Variants in CNTNAP2 observed in about 807,000 individuals in gnomAD.
CNTNAP2 encodes the protein contactin associated protein 2, also known as contactin-associated protein-like 2.
A neutral mutation model predicts 155.2 loss-of-function variants in CNTNAP2; 98 were observed. That is an observed-to-expected ratio of 0.63 (90% CI 0.54 to 0.75). The LOEUF (loss-of-function observed/expected upper bound fraction) is 0.75, where lower values mean the gene tolerates loss of function less well. Among genes scored for constraint, CNTNAP2 ranks in the 30% least tolerant of loss-of-function variants. CNTNAP2 has a pLI of 0.00. For missense variants in CNTNAP2, 1,727 were observed against 1,688.1 expected, an observed-to-expected ratio of 1.02 and a Z score of -0.40; for synonymous variants, 651 against 631.2, an observed-to-expected ratio of 1.03 and a Z score of -0.47.
chr7:147,656,606 G>C (rs1171677508), intron 13 of CNTNAP2, among the ~76,000 whole-genome samples: 1 of 152,032 alleles, frequency 6.6e-6, no homozygotes, highest in African/African-American at 2.4e-5. Flanking sequence ...ATCTTCTATG[G>C]GCACAGTTAA....
rs112329627 is a variant in CNTNAP2 at position 148,364,010 on chromosome 7, C to T, written c.3476-19639C>T. Among the ~76,000 whole-genome samples the T allele has an allele frequency of 7.0e-4, 107 of 152,226 alleles. 1 individual carries two copies. Among genetic ancestry groups the T allele is most frequent in the South Asian group, 2.5e-3 (12 of 4,822 alleles). ...CAGCAGTGCCGGCCCACCGGCGCTG[C>T]GCTCGATTTCTCGCCGGGCCTTGGC... On this transcript the variant is annotated intron_variant, in intron 21 of 23. Coordinates refer to ENST00000361727, the MANE Select transcript of CNTNAP2 (RefSeq NM_014141.6).
chr7:147,586,211 T>C lies in CNTNAP2; in HGVS notation c.1897+23954T>C, dbSNP rs776880123. Among the ~76,000 whole-genome samples, 119 of 152,250 alleles carry C rather than the reference T, an allele frequency of 7.8e-4. 1 individual carries two copies. Among genetic ancestry groups the C allele is most frequent in the Admixed American group, 1.7e-3 (26 of 15,276 alleles). On this transcript the variant is annotated intron_variant, in intron 12 of 23. Transcript: ENST00000361727. The stretch of plus-strand genomic sequence containing the variant: ...GGTTGTGGAGACAAAGGTTTTATTA[T>C]GCAGATGAAGCCTCCAGGTAACAGG...
At chr7:147,557,368 T>C (rs548134620) in intron 11 of CNTNAP2, among the ~76,000 whole-genome samples, 2 of 152,212 alleles carry the variant, frequency 1.3e-5, no homozygotes, top group African/African-American at 2.4e-5. Context: ...ATAGCTGATA[T>C]TATGAATATA....
At chr7:148,314,241 G>T (rs1797646122) in intron 21 of CNTNAP2, among the ~76,000 whole-genome samples, 1 of 152,202 alleles carries the variant, frequency 6.6e-6, no homozygotes, top group African/African-American at 2.4e-5. Context: ...GGGACAAGTT[G>T]CATTGGGAAC....
intron 21 of CNTNAP2, among the ~76,000 whole-genome samples, chr7:148,329,168 G>T (rs1352526434): frequency 6.6e-6 from 1 of 152,062 alleles, no homozygotes; most frequent in Admixed American, 6.6e-5. Flanking sequence ...TGACCTTGGG[G>T]ATTCTCTGGT....
chr7:148,032,829 T>C (rs1802503938), intron 15 of CNTNAP2, among the ~76,000 whole-genome samples: 1 of 151,920 alleles, frequency 6.6e-6, no homozygotes, highest in South Asian at 2.1e-4. Context: ...TCTGAGAAAT[T>C]CCCCCTCAAC....
intron 9 of CNTNAP2, among the ~76,000 whole-genome samples, chr7:147,310,731 T>A (rs1009536276): frequency 1.3e-5 from 2 of 151,876 alleles, no homozygotes; most frequent in African/African-American, 2.4e-5. Context: ...TAATCAGTGT[T>A]AAAAAAAATT....
In CNTNAP2 at chr7:147,420,038, T is replaced by C. The variant is rs543875606; in HGVS notation, c.1670+24258T>C. ...GACACACAGGGCCACGAGTTAATCT[T>C]TGTGAATAATTTCATTGTTAACTAT... On this transcript the variant is annotated intron_variant, in intron 10 of 23. Transcript: ENST00000361727. Among the ~76,000 whole-genome samples, 5 of 152,312 alleles carry C rather than the reference T, an allele frequency of 3.3e-5. No individual in the cohort carries two copies. The South Asian group carries it at 1.0e-3, about 32-fold the overall frequency.
chr7:146,695,285 T>A (rs1428744720), intron 1 of CNTNAP2, among the ~76,000 whole-genome samples: 2 of 152,160 alleles, frequency 1.3e-5, no homozygotes, highest in Non-Finnish European at 2.9e-5. Flanking sequence ...TTGTTCAGAG[T>A]TTTTATGAGA....
intron 1 of CNTNAP2, among the ~76,000 whole-genome samples, chr7:146,275,683 CT>C (rs1159114816): frequency 6.6e-6 from 1 of 152,112 alleles, no homozygotes; most frequent in Non-Finnish European, 1.5e-5. Context: ...TTACATGAGC[CT>C]CTATATCTTC....
intron 1 of CNTNAP2, among the ~76,000 whole-genome samples, chr7:146,484,846 C>T (rs1179028711): frequency 6.6e-6 from 1 of 152,104 alleles, no homozygotes; most frequent in Non-Finnish European, 1.5e-5. Flanking sequence ...TTTCCTCCAA[C>T]CCTTACATAT....
intron 18 of CNTNAP2, among the ~76,000 whole-genome samples, chr7:148,195,348 A>C (rs970397327): frequency 6.6e-6 from 1 of 152,244 alleles, no homozygotes. Context: ...TTTATTTTTC[A>C]TGTGAGTTTT....
At chr7:147,067,289 CAAAAAAAAAAA>C in intron 4 of CNTNAP2, among the ~76,000 whole-genome samples, 1 of 67,964 alleles carries the variant, frequency 1.5e-5, no homozygotes, top group African/African-American at 5.8e-5. Flanking sequence ...GACTCCGTCT[CAAAAAAAAAAA>C]AAAAAAAAAA....
intron 21 of CNTNAP2, among the ~76,000 whole-genome samples, chr7:148,317,550 T>TA (rs1797712818): frequency 6.6e-6 from 1 of 152,140 alleles, no homozygotes; most frequent in African/African-American, 2.4e-5. Context: ...TATTTTTAAT[T>TA]AAAAAAGGAC....
At chr7:147,736,197 G>A (rs1796840385) in intron 13 of CNTNAP2, among the ~76,000 whole-genome samples, 1 of 151,934 alleles carries the variant, frequency 6.6e-6, no homozygotes, top group Non-Finnish European at 1.5e-5. Flanking sequence ...TCCTTCAGGA[G>A]CTCTTTTAGG....
At chr7:147,895,347 T>C (rs1035290576) in intron 13 of CNTNAP2, among the ~76,000 whole-genome samples, 8 of 152,168 alleles carry the variant, frequency 5.3e-5, no homozygotes, top group Non-Finnish European at 1.0e-4. Context: ...TTTCCCAGTT[T>C]AATCATCCAC....
chr7:146,457,795 G>A (rs1035351477), intron 1 of CNTNAP2, among the ~76,000 whole-genome samples: 4 of 151,530 alleles, frequency 2.6e-5, no homozygotes, highest in South Asian at 2.1e-4. Flanking sequence ...GAACAACTGC[G>A]CCTGGCCCAA....
chr7:148,362,416 C>G (rs953389134), intron 21 of CNTNAP2, among the ~76,000 whole-genome samples: 1 of 151,980 alleles, frequency 6.6e-6, no homozygotes, highest in Non-Finnish European at 1.5e-5. Flanking sequence ...AAAGGTCACA[C>G]TCACAGGTAA....
At chr7:147,297,004 A>C (rs1475420632) in intron 8 of CNTNAP2, among the ~76,000 whole-genome samples, 2 of 152,236 alleles carry the variant, frequency 1.3e-5, no homozygotes, top group East Asian at 3.8e-4. Context: ...ACTTGATAAC[A>C]GAGAAAGGTC....
Sources: allele counts gnomAD v4.1 joint callset (sites outside exome capture counted in the v4.1 genomes callset), GRCh38; gene constraint gnomAD v4.1.1; transcripts MANE v1.5; gene names NCBI Gene and HGNC (gene_info 2026-07-23, HGNC 2026-07-21).